Variants in BAZ2B observed in about 807,000 individuals in gnomAD.
BAZ2B encodes the protein bromodomain adjacent to zinc finger domain 2B, also known as bromodomain adjacent to zinc finger domain protein 2B.
In BAZ2B, 91 loss-of-function variants were observed where a neutral mutation model predicts 246.0. The observed-to-expected ratio is 0.37, with a 90% CI of 0.31 to 0.44. BAZ2B has a LOEUF of 0.44. BAZ2B is among the 20% of genes least tolerant of loss of function. The pLI is 1.00. For missense variants in BAZ2B, 2,332 were observed against 2,533.7 expected (o/e 0.92, Z 1.71); for synonymous variants, 855 against 860.0 (o/e 0.99, Z 0.10).
the BAZ2B span, among the ~76,000 whole-genome samples, chr2:159,651,990 T>C: frequency 6.6e-6 from 1 of 152,214 alleles, no homozygotes; most frequent in Non-Finnish European, 1.5e-5. Context: ...TTATGAATAA[T>C]ACTGCTATAA....
the BAZ2B span, among the ~76,000 whole-genome samples, chr2:159,643,633 G>C: frequency 6.6e-6 from 1 of 152,042 alleles, no homozygotes; most frequent in Non-Finnish European, 1.5e-5. Context: ...CCAGCACTTT[G>C]GGAGTCCGAG....
chr2:159,683,665 C>G, the BAZ2B span, among the ~76,000 whole-genome samples: 1 of 152,166 alleles, frequency 6.6e-6, no homozygotes, highest in Non-Finnish European at 1.5e-5. Flanking sequence ...GGGCTGGTTC[C>G]TTCTAGAAGC....
intron 13 of BAZ2B, among the ~76,000 whole-genome samples, chr2:159,414,749 G>A (rs1299308770): frequency 1.3e-5 from 2 of 151,606 alleles, no homozygotes; most frequent in Non-Finnish European, 2.9e-5. Flanking sequence ...CTCGGGAGGC[G>A]GAGGTTGCAG....
rs780918740 is a variant in BAZ2B at position 159,349,773 on chromosome 2, C to T, written c.4798G>A (p.Ala1600Thr). 9 of 1,614,024 alleles carry T rather than the reference C, an allele frequency of 5.6e-6. No homozygotes were observed. In the South Asian group the frequency reaches 9.9e-5, roughly 18 times the overall value. ...TTCTGAGCAGAAGATCCAAGAGGAGCTGGGGTAGGTGAAGGTGACTTAGAT... is the reference window on the plus strand; with the variant it reads ...TTCTGAGCAGAAGATCCAAGAGGAGTTGGGGTAGGTGAAGGTGACTTAGAT... ...PPSKSPSPTPAPLGSSAQNPV... is the reference protein window; with the variant it reads ...PPSKSPSPTPTPLGSSAQNPV... The change falls in exon 28 of 37, where the codon GCT (alanine) becomes ACT (threonine). Residue 1600 changes from alanine to threonine, a missense_variant. Physicochemically the swap from Ala to Thr is moderately conservative, Grantham distance 58. This residue lies in a region of BAZ2B where 676 missense variants were observed against 668.6 expected (regional missense o/e 1.01). Coordinates refer to ENST00000392783, the MANE Select transcript of BAZ2B (RefSeq NM_013450.4).
intron 6 of BAZ2B, among the ~76,000 whole-genome samples, chr2:159,445,187 C>A (rs2074050435): frequency 6.6e-6 from 1 of 152,086 alleles, no homozygotes; most frequent in South Asian, 2.1e-4. Flanking sequence ...CATACCCACC[C>A]TACTCCTGGA....
chr2:159,434,019 C>T (rs900183000), intron 8 of BAZ2B: 2 of 152,170 alleles, frequency 1.3e-5, no homozygotes, highest in Non-Finnish European at 2.9e-5. Flanking sequence ...GTTGTCTGCC[C>T]TTGTTATCAT....
At chr2:159,400,727 A>G in intron 16 of BAZ2B, 63 bp from the exon 17 acceptor site, 2 of 989,920 alleles carry the variant, frequency 2.0e-6, no homozygotes, top group Non-Finnish European at 3.1e-6. Flanking sequence ...AGAGTATTTG[A>G]GTGGAATCAA....
At chr2:159,365,764 G>A (rs556262377) in intron 27 of BAZ2B, among the ~76,000 whole-genome samples, 1 of 152,314 alleles carries the variant, frequency 6.6e-6, no homozygotes, top group East Asian at 1.9e-4. Flanking sequence ...GGAACTTACT[G>A]TTGCAGAAAG....
intron 7 of BAZ2B, 91 bp from the exon 8 acceptor site, chr2:159,438,786 C>T (rs2302923): frequency 1.4e-6 from 2 of 1,420,228 alleles, no homozygotes; most frequent in Non-Finnish European, 9.4e-7. Flanking sequence ...CGGGTACTTT[C>T]AAAGTGTTCT....
chr2:159,556,249 T>C (rs1184209992), intron 1 of BAZ2B, among the ~76,000 whole-genome samples: 1 of 152,230 alleles, frequency 6.6e-6, no homozygotes, highest in Non-Finnish European at 1.5e-5. Context: ...GTATTATTTA[T>C]AAATACTTTT....
At chr2:159,465,022 T>C (rs961998883) in intron 3 of BAZ2B, among the ~76,000 whole-genome samples, 2 of 152,210 alleles carry the variant, frequency 1.3e-5, no homozygotes, top group East Asian at 1.9e-4. Context: ...GGTGTATTAG[T>C]TTGCTAGAGC....
intron 2 of BAZ2B, among the ~76,000 whole-genome samples, chr2:159,529,685 C>T (rs2085164209): frequency 6.6e-6 from 1 of 152,170 alleles, no homozygotes; most frequent in Non-Finnish European, 1.5e-5. Context: ...ATACTACATA[C>T]AACTTATTTA....
chr2:159,615,146 GAGAA>G (rs1453485258), intron 1 of BAZ2B: 4 of 152,096 alleles, frequency 2.6e-5, no homozygotes. Context: ...AATACAGAGG[GAGAA>G]AGAAAAGAAG....
intron 1 of BAZ2B, chr2:159,615,796 G>C (rs539393383): frequency 1.3e-5 from 2 of 152,580 alleles, no homozygotes; most frequent in South Asian, 4.1e-4. Flanking sequence ...AAGGGGAAGA[G>C]GAAGGAGACG....
chr2:159,403,368 G>C (rs2065399341), intron 16 of BAZ2B, among the ~76,000 whole-genome samples: 1 of 152,150 alleles, frequency 6.6e-6, no homozygotes, highest in African/African-American at 2.4e-5. Flanking sequence ...CTTTTTCAAT[G>C]AGTAGCAAAG....
the BAZ2B span, among the ~76,000 whole-genome samples, chr2:159,705,859 T>C: frequency 1.3e-5 from 2 of 151,560 alleles, no homozygotes; most frequent in African/African-American, 4.8e-5. Flanking sequence ...ATACTACATG[T>C]AAAATCAATA....
chr2:159,588,214 CAAA>C (rs556237766), intron 1 of BAZ2B, among the ~76,000 whole-genome samples: 22 of 109,212 alleles, frequency 2.0e-4, no homozygotes, highest in Admixed American at 5.3e-4. Flanking sequence ...GACCCTGCAT[CAAA>C]AAAAAAAAAA....
chr2:159,577,989 T>C lies in BAZ2B; in HGVS notation c.-45-22124A>G, dbSNP rs189745528. 5.9e-3 allele frequency among the ~76,000 whole-genome samples: 892 copies of C among 152,276 alleles called. 7 individuals carry two copies. Among genetic ancestry groups the C allele is most frequent in the Non-Finnish European group, 7.1e-3 (480 of 68,008 alleles). On this transcript the variant is annotated intron_variant, in intron 1 of 36. Coordinates refer to ENST00000392783, the MANE Select transcript of BAZ2B (RefSeq NM_013450.4). ...AAACCTCACTTGTTTTCACTTGTCA[T>C]TAATTACCTACCAAGATATCACCTG...
At chr2:159,581,398 C>T (rs931574748) in intron 1 of BAZ2B, among the ~76,000 whole-genome samples, 20 of 152,000 alleles carry the variant, frequency 1.3e-4, no homozygotes, top group South Asian at 2.1e-4. Context: ...GTTAGAATGG[C>T]GATCATTAAA....
Sources: allele counts gnomAD v4.1 joint callset (sites outside exome capture counted in the v4.1 genomes callset), GRCh38; gene constraint gnomAD v4.1.1; regional missense constraint gnomAD v4.1.1; transcripts MANE v1.5; gene names NCBI Gene and HGNC (gene_info 2026-07-23, HGNC 2026-07-21).